DCC: variants seen among roughly 807,000 people sequenced by gnomAD.
The protein encoded by DCC is netrin receptor DCC.
Under a neutral mutation model 172.5 loss-of-function variants are expected in DCC, and 58 were observed. That is an observed-to-expected ratio of 0.34 (90% CI 0.27 to 0.42). DCC has a LOEUF of 0.42. Among genes scored for constraint, DCC ranks in the 10% least tolerant of loss-of-function variants. The pLI is 1.00. For synonymous variants in DCC, 709 were observed against 644.5 expected, an observed-to-expected ratio of 1.10 and a Z score of -1.52; for missense variants, 1,740 against 1,791.0, an observed-to-expected ratio of 0.97 and a Z score of 0.51.
intron 2 of DCC, 46 bp downstream of exon 2, chr18:52,752,420 T>A: frequency 7.0e-7 from 1 of 1,419,652 alleles, no homozygotes; most frequent in Non-Finnish European, 1.0e-6. Context: ...TCCTCTCTTC[T>A]TCTTATTCAT....
intron 1 of DCC, among the ~76,000 whole-genome samples, chr18:52,464,753 T>C (rs1988734276): frequency 6.6e-6 from 1 of 152,014 alleles, no homozygotes; most frequent in Middle Eastern, 3.4e-3. Context: ...TTTTGTTTTG[T>C]TGGTTTTTTT....
intron 8 of DCC, among the ~76,000 whole-genome samples, chr18:53,161,945 A>T (rs1436606598): frequency 6.6e-6 from 1 of 152,196 alleles, no homozygotes; most frequent in African/African-American, 2.4e-5. Context: ...TCATCATATT[A>T]TTCTGCCTAG....
intron 7 of DCC, among the ~76,000 whole-genome samples, chr18:53,070,706 G>A (rs182268283): frequency 3.3e-5 from 5 of 152,260 alleles, no homozygotes; most frequent in South Asian, 2.1e-4. Flanking sequence ...TCTCTTGGTC[G>A]TTGTTTATTG....
chr18:52,404,312 T>C (rs1396846015), intron 1 of DCC, among the ~76,000 whole-genome samples: 1 of 152,050 alleles, frequency 6.6e-6, no homozygotes, highest in Non-Finnish European at 1.5e-5. Context: ...AGGCTGACTA[T>C]GCTTTTACTG....
chr18:52,396,849 G>T (rs1986249391), intron 1 of DCC, among the ~76,000 whole-genome samples: 1 of 152,088 alleles, frequency 6.6e-6, no homozygotes, highest in African/African-American at 2.4e-5. Flanking sequence ...GGAATGAAAA[G>T]GGAGACATAG....
chr18:52,766,764 G>A (rs988931029), intron 2 of DCC, among the ~76,000 whole-genome samples: 13 of 151,992 alleles, frequency 8.6e-5, no homozygotes, highest in African/African-American at 2.7e-4. Context: ...TTAGGAAAAG[G>A]CAACATTTGA....
At chr18:53,091,861 A>C (rs1303053726) in intron 7 of DCC, among the ~76,000 whole-genome samples, 104 of 63,348 alleles carry the variant, frequency 1.6e-3, no homozygotes, top group Non-Finnish European at 2.4e-3. Flanking sequence ...CAATCTATCT[A>C]TATATATATA....
chr18:52,996,992 T>C lies in DCC; in HGVS notation c.986-66313T>C, dbSNP rs558307067. On this transcript the variant is annotated intron_variant, in intron 5 of 28. Coordinates refer to ENST00000442544, the MANE Select transcript of DCC (RefSeq NM_005215.4). ...TTATCTCTTGATACAAGTCTCAGAC[T>C]CCAGAAAAGGAGCTAATGCTCATCC... Among the ~76,000 whole-genome samples, 6 of 152,202 alleles carry C rather than the reference T, an allele frequency of 3.9e-5. No homozygotes were observed. The East Asian group carries it at 1.2e-3, about 29-fold the overall frequency.
chr18:53,244,974 A>C (rs1398492526), intron 12 of DCC, among the ~76,000 whole-genome samples: 9 of 152,110 alleles, frequency 5.9e-5, no homozygotes, highest in Non-Finnish European at 1.3e-4. Context: ...TCTCAATCTA[A>C]ATGTGAATTA....
chr18:52,473,307 C>T (rs949158018), intron 1 of DCC, among the ~76,000 whole-genome samples: 3 of 152,144 alleles, frequency 2.0e-5, no homozygotes, highest in African/African-American at 7.2e-5. Flanking sequence ...TGTTGCTTCT[C>T]CAGTTAAAAT....
chr18:52,558,059 A>C (rs2144734600), intron 1 of DCC, among the ~76,000 whole-genome samples: 1 of 152,208 alleles, frequency 6.6e-6, no homozygotes, highest in African/African-American at 2.4e-5. Context: ...CAGAATTTTA[A>C]TTTGTGAGCT....
intron 24 of DCC, 61 bp downstream of exon 24, chr18:53,459,519 C>T: frequency 9.2e-7 from 1 of 1,084,134 alleles, no homozygotes; most frequent in Non-Finnish European, 1.4e-6. Context: ...GGGAGTTTTT[C>T]ACTCCTTTTA....
intron 14 of DCC, among the ~76,000 whole-genome samples, chr18:53,331,429 G>T (rs551703611): frequency 3.7e-4 from 56 of 152,298 alleles, no homozygotes; most frequent in African/African-American, 1.2e-3. Flanking sequence ...CTTCATGGTA[G>T]AATGATACAA....
Position 53,459,418 on chromosome 18 carries a change from G to C in DCC, c.3579G>C (p.Gln1193His), listed in dbSNP as rs202127302. 1.1e-5 allele frequency: 17 copies of C among 1,613,932 alleles called. No individual in the cohort carries two copies. The African/African-American group carries it at 2.0e-4, about 19-fold the overall frequency. Residue 1193 changes from glutamine (Q) to histidine (H), a missense_variant, in exon 24 of 29, where the codon CAG (glutamine) becomes CAC (histidine). Transcript: ENST00000442544. ...ACCTCACACCAGTCAGCCACAGCCA[G>C]TCAGAAACCCAACTGGGAAGCAAAA... Reference protein sequence around the residue: ...CQDLTPVSHSQSETQLGSKST... With the variant: ...CQDLTPVSHSHSETQLGSKST...
In DCC at chr18:53,499,442, C is replaced by A; in HGVS notation, c.4043C>A (p.Pro1348His). The change falls in exon 27 of 29, where the codon CCT becomes CAT. Residue 1348 changes from proline to histidine, a missense_variant. Transcript: ENST00000442544. ...CACCCACTCCGCAGCTTTGCTAATC[C>A]TTTGCTACCTCCACCAATGAGTGCA... ...PTHPLRSFAN[P>H]LLPPPMSAIE... 6.2e-7 allele frequency: 1 copy of A among 1,614,150 alleles called. No homozygotes were observed. Among genetic ancestry groups the A allele is most frequent in the Non-Finnish European group, 8.5e-7 (1 of 1,180,012 alleles).
chr18:53,448,018 T>C (rs536431288), intron 22 of DCC, among the ~76,000 whole-genome samples: 190 of 151,158 alleles, frequency 1.3e-3, no homozygotes, highest in Non-Finnish European at 2.4e-3. Context: ...TAATAATGAA[T>C]GAGCTATAAT....
chr18:53,394,694 TTACA>T (rs1340342816), intron 17 of DCC, among the ~76,000 whole-genome samples: 6 of 152,102 alleles, frequency 3.9e-5, no homozygotes, highest in Admixed American at 1.3e-4. Context: ...ATGCTTAAAA[TTACA>T]TACAACAAGA....
intron 1 of DCC, among the ~76,000 whole-genome samples, chr18:52,727,331 T>C (rs1403014157): frequency 6.6e-6 from 1 of 152,188 alleles, no homozygotes; most frequent in East Asian, 1.9e-4. Flanking sequence ...CTTAGTTTTC[T>C]GAGACCATTC....
At chr18:53,273,263 A>G (rs1329513257) in intron 12 of DCC, among the ~76,000 whole-genome samples, 1 of 152,124 alleles carries the variant, frequency 6.6e-6, no homozygotes, top group African/African-American at 2.4e-5. Flanking sequence ...ATATGAAATT[A>G]TACATGAGCC....
Sources: gnomAD v4.1 joint callset for allele counts (sites outside exome capture counted in the v4.1 genomes callset) on GRCh38, gnomAD v4.1.1 for gene constraint, MANE v1.5 for transcripts, NCBI Gene and HGNC (gene_info 2026-07-23, HGNC 2026-07-21) for gene names.